The following KIAA1328 variants were observed in gnomAD, a reference collection of about 807,000 sequenced individuals.
The protein encoded by KIAA1328 is protein hinderin.
In KIAA1328, 52 loss-of-function variants were observed where a neutral mutation model predicts 68.1. The ratio of observed to expected loss-of-function variants is 0.76; its 90% CI spans 0.61 to 0.96. The LOEUF is 0.96. Among genes scored for constraint, KIAA1328 ranks in the 40% least tolerant of loss-of-function variants. The probability of loss-of-function intolerance (pLI) is 0.00; values close to 1 mark genes in which losing one functional copy is unlikely to be tolerated. For synonymous variants in KIAA1328, 232 were observed against 239.4 expected (o/e 0.97, Z 0.28); for missense variants, 641 against 677.6 (o/e 0.95, Z 0.60).
intron 5 of KIAA1328, among the ~76,000 whole-genome samples, chr18:36,927,886 AAG>A (rs1217647628): frequency 2.0e-5 from 3 of 152,148 alleles, no homozygotes; most frequent in South Asian, 2.1e-4. Context: ...AAAAAGAGAA[AAG>A]AGAGAGAAAG....
At chr18:36,851,468 T>A (rs1220679100) in intron 4 of KIAA1328, among the ~76,000 whole-genome samples, 1 of 152,182 alleles carries the variant, frequency 6.6e-6, no homozygotes, top group African/African-American at 2.4e-5. Context: ...TGATTACTGA[T>A]TCAATCATTT....
chr18:36,966,973 A>G (rs547596977), intron 6 of KIAA1328, among the ~76,000 whole-genome samples: 5 of 152,224 alleles, frequency 3.3e-5, no homozygotes, highest in Admixed American at 6.5e-5. Context: ...AATTTTGAGA[A>G]CGATGAGAAG....
At chr18:36,839,807 C>A (rs771934656) in intron 3 of KIAA1328, among the ~76,000 whole-genome samples, 1 of 152,122 alleles carries the variant, frequency 6.6e-6, no homozygotes, top group African/African-American at 2.4e-5. Context: ...CTTCCTGATG[C>A]CCCTTAAATT....
chr18:36,966,929 T>C (rs2051963850), intron 6 of KIAA1328, among the ~76,000 whole-genome samples: 1 of 152,180 alleles, frequency 6.6e-6, no homozygotes, highest in Non-Finnish European at 1.5e-5. Flanking sequence ...TTAAAATTTA[T>C]ATGGAAGTGC....
intron 9 of KIAA1328, 25 bp from the exon 10 acceptor site, chr18:37,221,992 C>A: frequency 6.2e-7 from 1 of 1,605,784 alleles, no homozygotes. Flanking sequence ...CTGATCCTTT[C>A]CTGTCTGGGT....
intron 6 of KIAA1328, among the ~76,000 whole-genome samples, chr18:37,039,930 A>G (rs2055180473): frequency 1.3e-5 from 2 of 152,118 alleles, no homozygotes; most frequent in Admixed American, 1.3e-4. Context: ...GGTTTTGGCA[A>G]AATTCAGTTC....
chr18:37,210,724 G>A (rs2060300668), intron 9 of KIAA1328, among the ~76,000 whole-genome samples: 1 of 152,188 alleles, frequency 6.6e-6, no homozygotes, highest in Admixed American at 6.5e-5. Context: ...CTGACATTTA[G>A]TGTAAAATCC....
At chr18:37,150,855 T>C (rs2059013386) in intron 7 of KIAA1328, among the ~76,000 whole-genome samples, 1 of 152,162 alleles carries the variant, frequency 6.6e-6, no homozygotes, top group Non-Finnish European at 1.5e-5. Context: ...GGAAAAATGA[T>C]AGTGTCAACA....
At chr18:36,913,065 A>C (rs940144330) in intron 5 of KIAA1328, among the ~76,000 whole-genome samples, 1 of 152,100 alleles carries the variant, frequency 6.6e-6, no homozygotes, top group African/African-American at 2.4e-5. Flanking sequence ...TTTTCATGAA[A>C]GGTGGCACAT....
intron 7 of KIAA1328, among the ~76,000 whole-genome samples, chr18:37,141,714 G>A (rs1289598489): frequency 6.6e-6 from 1 of 152,216 alleles, no homozygotes; most frequent in Non-Finnish European, 1.5e-5. Context: ...CAGCAAAGCA[G>A]CAGAATTCCA....
chr18:37,044,793 C>A (rs541139776), intron 6 of KIAA1328, among the ~76,000 whole-genome samples: 2 of 132,884 alleles, frequency 1.5e-5, no homozygotes, highest in Non-Finnish European at 3.2e-5. Flanking sequence ...AGTAAGACTC[C>A]GGCTCAAAAA....
In KIAA1328 at chr18:37,130,535, T is replaced by G. The variant is rs565075906; in HGVS notation, c.1233-29665T>G. Among the ~76,000 whole-genome samples the G allele has an allele frequency of 1.3e-3, 205 of 152,210 alleles. 1 individual carries two copies. Among genetic ancestry groups the G allele is most frequent in the Non-Finnish European group, 7.1e-4 (48 of 68,006 alleles). On this transcript the variant is annotated intron_variant, in intron 7 of 9. Transcript: ENST00000280020. ...CAGGAGACGGAGGCAGGAGAATGGC[T>G]TGAACCCAGGAGGCGGAGGTTGCAG... is the stretch of plus-strand genomic sequence containing the variant.
At chr18:37,158,776 A>T (rs1172313604) in intron 7 of KIAA1328, among the ~76,000 whole-genome samples, 1 of 152,160 alleles carries the variant, frequency 6.6e-6, no homozygotes, top group East Asian at 1.9e-4. Flanking sequence ...AGCAGAAGGC[A>T]GTCAGTATTG....
At chr18:37,156,425 T>TA in intron 7 of KIAA1328, among the ~76,000 whole-genome samples, 1 of 34,402 alleles carries the variant, frequency 2.9e-5, no homozygotes, top group East Asian at 7.8e-4. Context: ...AAACTCCGCC[T>TA]CAAAAAAAAA....
intron 4 of KIAA1328, among the ~76,000 whole-genome samples, chr18:36,874,047 A>C (rs928142635): frequency 1.3e-5 from 2 of 152,160 alleles, no homozygotes; most frequent in African/African-American, 4.8e-5. Flanking sequence ...ATAGTATTCC[A>C]TTGTGTATAT....
At chr18:36,918,272 C>A (rs1384216206) in intron 5 of KIAA1328, among the ~76,000 whole-genome samples, 1 of 151,690 alleles carries the variant, frequency 6.6e-6, no homozygotes. Context: ...TTTTGACGTT[C>A]TTACTTTTCC....
intron 7 of KIAA1328, among the ~76,000 whole-genome samples, chr18:37,116,807 A>C (rs930564217): frequency 1.3e-5 from 2 of 152,240 alleles, no homozygotes; most frequent in Non-Finnish European, 2.9e-5. Context: ...ACTTAAACAA[A>C]TGTACAAGAA....
At chr18:36,956,547 G>T (rs543836081) in intron 5 of KIAA1328, among the ~76,000 whole-genome samples, 1 of 151,566 alleles carries the variant, frequency 6.6e-6, no homozygotes, top group South Asian at 2.1e-4. Context: ...AGGAAGTGGG[G>T]GGGGGGTGCA....
intron 5 of KIAA1328, among the ~76,000 whole-genome samples, chr18:36,915,586 C>T (rs184420902): frequency 1.1e-3 from 168 of 152,256 alleles, no homozygotes; most frequent in Non-Finnish European, 2.0e-3. Flanking sequence ...AACATCTTTA[C>T]TCATTAGGGA....
Sources: allele counts gnomAD v4.1 joint callset (sites outside exome capture counted in the v4.1 genomes callset), GRCh38; gene constraint gnomAD v4.1.1; transcripts MANE v1.5; gene names NCBI Gene and HGNC (gene_info 2026-07-23, HGNC 2026-07-21).